The following CLYBL variants were observed in gnomAD, a reference collection of about 807,000 sequenced individuals.
CLYBL encodes citramalyl-CoA lyase, mitochondrial.
CLYBL carries 31 observed loss-of-function variants against 38.9 expected under a neutral mutation model. That is an observed-to-expected ratio of 0.80 (90% CI 0.60 to 1.08). The LOEUF (loss-of-function observed/expected upper bound fraction) is 1.08. Among genes scored for constraint, CLYBL ranks in the 50% least tolerant of loss-of-function variants. The pLI is 0.00. For synonymous variants in CLYBL, 171 were observed against 158.6 expected, an observed-to-expected ratio of 1.08 and a Z score of -0.59; for missense variants, 434 against 411.6, an observed-to-expected ratio of 1.05 and a Z score of -0.47.
At chr13:99,631,158 C>G (rs1403290562) in intron 1 of CLYBL, among the ~76,000 whole-genome samples, 1 of 152,030 alleles carries the variant, frequency 6.6e-6, no homozygotes, top group African/African-American at 2.4e-5. Context: ...CCCGTCTCCA[C>G]AAAAAATAGA....
At chr13:99,788,038 C>T (rs1010773082) in intron 2 of CLYBL, among the ~76,000 whole-genome samples, 17 of 152,104 alleles carry the variant, frequency 1.1e-4, no homozygotes, top group African/African-American at 4.1e-4. Flanking sequence ...GTGATTTTTG[C>T]ACATTGATTT....
chr13:99,769,521 A>G (rs967317772), intron 1 of CLYBL, among the ~76,000 whole-genome samples: 1 of 152,238 alleles, frequency 6.6e-6, no homozygotes, highest in Admixed American at 6.5e-5. Context: ...TGCAAATTCT[A>G]GTCTCCAGTG....
At chr13:99,717,440 A>G (rs1035311932) in intron 1 of CLYBL, among the ~76,000 whole-genome samples, 5 of 140,480 alleles carry the variant, frequency 3.6e-5, no homozygotes, top group African/African-American at 8.1e-5. Flanking sequence ...AAATTAGAAA[A>G]AAAAAAAAAA....
At chr13:99,753,088 CA>C (rs1011588919) in intron 1 of CLYBL, among the ~76,000 whole-genome samples, 2 of 152,030 alleles carry the variant, frequency 1.3e-5, no homozygotes, top group African/African-American at 4.8e-5. Context: ...TGCTGAGATC[CA>C]GAAGAGCCTT....
At chr13:99,732,263 C>G (rs1230150762) in intron 1 of CLYBL, among the ~76,000 whole-genome samples, 4 of 149,544 alleles carry the variant, frequency 2.7e-5, no homozygotes, top group African/African-American at 9.9e-5. Flanking sequence ...TTCACTGCAG[C>G]CTCAACCTCC....
intron 2 of CLYBL, among the ~76,000 whole-genome samples, chr13:99,834,579 T>C (rs1231120677): frequency 6.6e-6 from 1 of 152,176 alleles, no homozygotes; most frequent in East Asian, 1.9e-4. Flanking sequence ...ATGCACCCAG[T>C]GGCTATCCTG....
chr13:99,898,541 C>G (rs542452090), downstream of CLYBL, among the ~76,000 whole-genome samples: 8 of 152,302 alleles, frequency 5.3e-5, no homozygotes, highest in South Asian at 1.2e-3. Context: ...CGGTGGCTCT[C>G]GGGAGCTTCT....
intron 7 of CLYBL, 51 bp downstream of exon 7, chr13:99,871,113 G>A (rs771638418): frequency 3.7e-5 from 59 of 1,598,286 alleles, no homozygotes; most frequent in Non-Finnish European, 4.7e-5. Flanking sequence ...AAATATTGTC[G>A]GGAAGAATGA....
chr13:99,813,048 T>G (rs1753095164), intron 2 of CLYBL, among the ~76,000 whole-genome samples: 1 of 152,196 alleles, frequency 6.6e-6, no homozygotes, highest in South Asian at 2.1e-4. Flanking sequence ...AGGCTATAAT[T>G]TCTTCTTCTT....
At chr13:99,851,344 G>A (rs1295485239) in intron 2 of CLYBL, among the ~76,000 whole-genome samples, 1 of 140,978 alleles carries the variant, frequency 7.1e-6, no homozygotes, top group African/African-American at 2.7e-5. Context: ...TCCAGCCTGG[G>A]CAACAAGAGT....
In CLYBL at chr13:99,679,290, A is replaced by T. The variant is rs572393534; in HGVS notation, c.62+72533A>T. Reference sequence around the variant, plus strand: ...GCCTGGGCGACAGAGCGAGACTCCGACTCAAAAAAAAAAAAAAAGAAAAGA... The same window carrying T: ...GCCTGGGCGACAGAGCGAGACTCCGTCTCAAAAAAAAAAAAAAAGAAAAGA... On this transcript the variant is annotated intron_variant, in intron 1 of 8. Transcript: ENST00000339105. Among the ~76,000 whole-genome samples the T allele has an allele frequency of 2.0e-4, 22 of 110,654 alleles. No individual in the cohort carries two copies. In the South Asian group the frequency reaches 6.8e-3, roughly 34 times the overall value. 72.6% of individuals were successfully genotyped at this position (110,654 alleles called of 152,430 possible).
intron 7 of CLYBL, among the ~76,000 whole-genome samples, chr13:99,879,037 T>A (rs1466206762): frequency 6.6e-6 from 1 of 152,170 alleles, no homozygotes; most frequent in East Asian, 1.9e-4. Context: ...CATATGCAGA[T>A]AACTGGCACA....
Position 99,669,496 on chromosome 13 carries a change from G to A in CLYBL, c.62+62739G>A, listed in dbSNP as rs550917784. ...GGGAGGGGAGGGTGTCATAAGCCTT[G>A]AAAAAGTTAGATATTCCAAAGAACC... On this transcript the variant is annotated intron_variant, in intron 1 of 8. Coordinates refer to ENST00000339105, the MANE Select transcript of CLYBL (RefSeq NM_206808.5). 2.6e-5 allele frequency among the ~76,000 whole-genome samples: 4 copies of A among 152,226 alleles called. No homozygotes were observed. The East Asian group carries it at 7.7e-4, about 29-fold the overall frequency.
intron 2 of CLYBL, among the ~76,000 whole-genome samples, chr13:99,846,286 A>ATT (rs5806139): frequency 0.066 from 7,140 of 107,880 alleles, 378 homozygotes; most frequent in Non-Finnish European, 0.086. Flanking sequence ...TTGTGTGGAG[A>ATT]TTTTTTTTTT....
chr13:99,904,247 C>T (rs2052671613), intron 8 of CLYBL, among the ~76,000 whole-genome samples: 1 of 152,168 alleles, frequency 6.6e-6, no homozygotes, highest in South Asian at 2.1e-4. Context: ...TAGTCTAACC[C>T]CTCATTTTGC....
At chr13:99,740,644 C>T (rs756403577) in intron 1 of CLYBL, among the ~76,000 whole-genome samples, 7 of 152,310 alleles carry the variant, frequency 4.6e-5, no homozygotes, top group South Asian at 4.1e-4. Context: ...AAAGTCCACA[C>T]GTATAGATTC....
intron 1 of CLYBL, among the ~76,000 whole-genome samples, chr13:99,660,480 T>G (rs1415180425): frequency 1.3e-5 from 2 of 152,216 alleles, no homozygotes; most frequent in Non-Finnish European, 2.9e-5. Flanking sequence ...CTCTGTATTG[T>G]GTTCAATGCA....
At chr13:99,681,051 G>C (rs2047727200) in intron 1 of CLYBL, among the ~76,000 whole-genome samples, 1 of 152,218 alleles carries the variant, frequency 6.6e-6, no homozygotes, top group Non-Finnish European at 1.5e-5. Context: ...AAGATTATGA[G>C]TGGAGTCTTT....
intron 1 of CLYBL, among the ~76,000 whole-genome samples, chr13:99,765,095 A>C (rs944220058): frequency 4.0e-5 from 6 of 150,408 alleles, no homozygotes; most frequent in Non-Finnish European, 8.9e-5. Context: ...CAGATTGAAT[A>C]ACTCAATATT....
Sources: gnomAD v4.1 joint callset for allele counts (sites outside exome capture counted in the v4.1 genomes callset) on GRCh38, gnomAD v4.1.1 for gene constraint, MANE v1.5 for transcripts, NCBI Gene and HGNC (gene_info 2026-07-23, HGNC 2026-07-21) for gene names.